Variants in ABCA3 observed in about 807,000 individuals in gnomAD.
ABCA3 encodes the protein phospholipid-transporting ATPase ABCA3.
A neutral mutation model predicts 172.8 loss-of-function variants in ABCA3; 88 were observed. The ratio of observed to expected loss-of-function variants is 0.51; its 90% CI spans 0.43 to 0.61. The LOEUF (loss-of-function observed/expected upper bound fraction) is 0.61, where lower values mean the gene tolerates loss of function less well. Among genes scored for constraint, ABCA3 ranks in the 20% least tolerant of loss-of-function variants. The pLI, the probability that ABCA3 is intolerant of heterozygous loss-of-function variation, is 0.00. For missense variants in ABCA3, 2,164 were observed against 2,301.0 expected (o/e 0.94, Z 1.22); for synonymous variants, 1,066 against 983.8 (o/e 1.08, Z -1.56).
intron 20 of ABCA3, 136 bp from the exon 21 acceptor site, chr16:2,288,465 G>T: frequency 9.1e-7 from 1 of 1,096,288 alleles, no homozygotes; most frequent in African/African-American, 1.6e-5. Flanking sequence ...GAGACTCCCA[G>T]AGCGTTGAAA....
Position 2,284,320 on chromosome 16 carries a change from C to T in ABCA3, c.3821G>A (p.Cys1274Tyr), listed in dbSNP as rs1014947786. ...FYENYETRRYCTSSEVAAHYC... is the reference protein window; with the variant it reads ...FYENYETRRYYTSSEVAAHYC... ...GTGGGCGGCGACCTCGGAGGAGGTGCAGTACCTCCGCGTCTCGTAGTTCTC... is the reference window on the plus strand; with the variant it reads ...GTGGGCGGCGACCTCGGAGGAGGTGTAGTACCTCCGCGTCTCGTAGTTCTC... Residue 1274 changes from cysteine (C) to tyrosine (Y), a missense_variant, in exon 25 of 33, where the codon TGC becomes TAC. This residue lies in a region of ABCA3 where 795 missense variants were observed against 881.9 expected (regional missense o/e 0.90). Coordinates refer to ENST00000301732, the MANE Select transcript of ABCA3 (RefSeq NM_001089.3). This position sits in a 1 kb window ranked among gnomAD's most constrained non-coding sequence, Gnocchi z 5.9. 5.6e-6 allele frequency: 9 copies of T among 1,613,746 alleles called. No individual in the cohort carries two copies. The highest frequency in any genetic ancestry group is 5.9e-6 in the Non-Finnish European group (7 of 1,180,010).
intron 10 of ABCA3, among the ~76,000 whole-genome samples, chr16:2,315,373 G>A (rs1439687310): frequency 6.6e-6 from 1 of 152,128 alleles, no homozygotes; most frequent in African/African-American, 2.4e-5. Context: ...CTAACGATGA[G>A]TATCGGATGG....
At position 2,288,185 on chromosome 16, in the gene ABCA3, C is replaced by T; in HGVS notation, c.2845G>A (p.Glu949Lys). 6.2e-7 allele frequency: 1 copy of T among 1,605,126 alleles called. No homozygotes were observed. Among genetic ancestry groups the T allele is most frequent in the East Asian group, 2.2e-5 (1 of 44,468 alleles). ...CTCAGCATGGGGTCGTCGAAGAGCT[C>T]CGAGGAGTAGTTGATGGCCAGGAGG... is the stretch of plus-strand genomic sequence containing the variant. ...LALLAINYSSELFDDPMLRLT... is the reference protein window; with the variant it reads ...LALLAINYSSKLFDDPMLRLT... Residue 949 changes from glutamate to lysine, a missense_variant, in exon 21 of 33, where the codon GAG becomes AAG. Transcript: ENST00000301732.
At chr16:2,311,452 G>A (rs1367958726) in intron 10 of ABCA3, among the ~76,000 whole-genome samples, 1 of 152,148 alleles carries the variant, frequency 6.6e-6, no homozygotes, top group African/African-American at 2.4e-5. Context: ...AAGGTTAGTT[G>A]CCATGAAGTA....
At chr16:2,305,525 G>T (rs2093696307) in intron 11 of ABCA3, among the ~76,000 whole-genome samples, 1 of 152,094 alleles carries the variant, frequency 6.6e-6, no homozygotes, top group African/African-American at 2.4e-5. Flanking sequence ...TCGATCTCTT[G>T]ACCCCATGAC....
chr16:2,309,345 C>T (rs1480163261), intron 10 of ABCA3, among the ~76,000 whole-genome samples: 5 of 152,140 alleles, frequency 3.3e-5, no homozygotes, highest in Non-Finnish European at 7.4e-5. Context: ...TTCTAAGCAC[C>T]GGGAGGCAGC....
At chr16:2,315,963 G>T (rs893454143) in intron 10 of ABCA3, among the ~76,000 whole-genome samples, 3 of 148,306 alleles carry the variant, frequency 2.0e-5, no homozygotes, top group Non-Finnish European at 4.4e-5. Flanking sequence ...GATTACAGGT[G>T]TGAGCTACCA....
chr16:2,326,046 C>A lies in ABCA3; in HGVS notation c.283G>T (p.Glu95Ter). ...SHSDAAKTVTETVRRALVINM... is the reference protein window; with the variant it reads ...SHSDAAKTVT Reference sequence around the variant, plus strand: ...ATCACAAGTGCCCTGCGCACTGTCTCAGTGACGGTCTTGGCAGCGTCACTG... The same window carrying A: ...ATCACAAGTGCCCTGCGCACTGTCTAAGTGACGGTCTTGGCAGCGTCACTG... Residue 95 changes from glutamate to a stop codon, truncating the protein, a stop_gained, in exon 5 of 33, where the codon GAG becomes TAG. Transcript: ENST00000301732. LOFTEE classifies it high-confidence loss of function. The A allele has an allele frequency of 6.2e-7, 1 of 1,614,054 alleles. No individual in the cohort carries two copies.
intron 6 of ABCA3, among the ~76,000 whole-genome samples, chr16:2,324,162 G>A (rs1037885836): frequency 1.3e-5 from 2 of 152,172 alleles, no homozygotes; most frequent in African/African-American, 4.8e-5. Context: ...AAGGAGCTTG[G>A]GGCGGCCACA....
chr16:2,278,568 G>A lies in ABCA3; in HGVS notation c.4548-110C>T. 7.2e-7 allele frequency: 1 copy of A among 1,384,382 alleles called. No homozygotes were observed. Among genetic ancestry groups the A allele is most frequent in the South Asian group, 1.2e-5 (1 of 82,492 alleles). The allele number at this position is 1,384,382 out of a possible 1,614,324, so 85.8% of individuals were successfully genotyped here. On this transcript the variant is annotated intron_variant, in intron 29 of 32. Coordinates refer to ENST00000301732, the MANE Select transcript of ABCA3 (RefSeq NM_001089.3). The surrounding 1 kb of genome is among the most constrained non-coding windows in gnomAD (Gnocchi z 4.4). ...CAGCGGCCCACACCCAGCAATTGCAGAACAGCCCTAGTGAAGAGGAAGGAG... is the reference window on the plus strand; with the variant it reads ...CAGCGGCCCACACCCAGCAATTGCAAAACAGCCCTAGTGAAGAGGAAGGAG...
chr16:2,327,781 C>T (rs1261745449), intron 3 of ABCA3, among the ~76,000 whole-genome samples: 2 of 152,116 alleles, frequency 1.3e-5, no homozygotes, highest in African/African-American at 4.8e-5. Context: ...AGTACAGTGG[C>T]GTGATCTTGG....
At chr16:2,326,848 C>T (rs576333213) in intron 3 of ABCA3, among the ~76,000 whole-genome samples, 22 of 152,096 alleles carry the variant, frequency 1.4e-4, no homozygotes, top group Non-Finnish European at 2.5e-4. Context: ...ATTAGCCAGG[C>T]GTGGTGGCAG....
chr16:2,298,679 C>G, intron 14 of ABCA3, 139 bp from the exon 15 acceptor site: 1 of 1,040,666 alleles, frequency 9.6e-7, no homozygotes, highest in Non-Finnish European at 1.4e-6. Context: ...GAACCCCACT[C>G]CCACTGGGGT....
chr16:2,310,451 C>CCA (rs760583370), intron 10 of ABCA3, among the ~76,000 whole-genome samples: 4 of 151,206 alleles, frequency 2.6e-5, no homozygotes, highest in African/African-American at 7.3e-5. Flanking sequence ...AACAAAACAC[C>CCA]CACACACACA....
rs2093654829 is a variant in ABCA3 at position 2,281,370 on chromosome 16, T to A, written c.4164+11A>T. 6.2e-7 allele frequency: 1 copy of A among 1,613,334 alleles called. No individual in the cohort carries two copies. Among genetic ancestry groups the A allele is most frequent in the African/African-American group, 1.3e-5 (1 of 74,880 alleles). On this transcript the variant is annotated intron_variant, in intron 27 of 32. Coordinates refer to ENST00000301732, the MANE Select transcript of ABCA3 (RefSeq NM_001089.3). This position sits in a 1 kb window ranked among gnomAD's most constrained non-coding sequence, Gnocchi z 4.7. ...TGGCAGGAAGGACTCCACCCCAAAT[T>A]GCAAGGGTACCTTGGAGAGCTCCTT...
intron 1 of ABCA3, among the ~76,000 whole-genome samples, chr16:2,333,102 GC>G (rs1218365729): frequency 3.9e-5 from 6 of 152,190 alleles, no homozygotes; most frequent in African/African-American, 1.4e-4. Context: ...GAGCCATGCT[GC>G]CTGGCCCTTA....
chr16:2,332,666 C>T, intron 1 of ABCA3: 1 of 1,601,870 alleles, frequency 6.2e-7, no homozygotes, highest in Non-Finnish European at 8.5e-7. Context: ...TTGATGAGAC[C>T]ATTGCCGCGT....
At chr16:2,320,815 C>G (rs938608963) in intron 7 of ABCA3, among the ~76,000 whole-genome samples, 1 of 152,074 alleles carries the variant, frequency 6.6e-6, no homozygotes, top group Non-Finnish European at 1.5e-5. Flanking sequence ...CGTTATATCT[C>G]CTGGGGCTTT....
intron 10 of ABCA3, among the ~76,000 whole-genome samples, chr16:2,314,581 T>A (rs1042347653): frequency 9.4e-6 from 1 of 105,890 alleles, no homozygotes; most frequent in African/African-American, 3.7e-5. Context: ...ACAATGGTAA[T>A]TTTTTTTTTT....
Sources: gnomAD v4.1 joint callset for allele counts (sites outside exome capture counted in the v4.1 genomes callset) on GRCh38, gnomAD v4.1.1 for gene constraint, gnomAD v4.1.1 regional missense constraint, Gnocchi (gnomAD v3.1) non-coding constraint, MANE v1.5 for transcripts, NCBI Gene and HGNC (gene_info 2026-07-23, HGNC 2026-07-21) for gene names.